The following KLHL4 variants were observed in gnomAD, a reference collection of about 807,000 sequenced individuals.
KLHL4 encodes kelch-like protein 4.
Under a neutral mutation model 45.8 loss-of-function variants are expected in KLHL4, and 17 were observed. The observed-to-expected ratio is 0.37, with a 90% CI of 0.25 to 0.56. KLHL4 has a LOEUF of 0.56. KLHL4 is among the 20% of genes least tolerant of loss of function. The pLI is 0.79. For synonymous variants in KLHL4, 224 were observed against 189.9 expected, an observed-to-expected ratio of 1.18 and a Z score of -1.47; for missense variants, 544 against 544.9, an observed-to-expected ratio of 1.00 and a Z score of 0.02.
chrX:87,621,031 G>T (rs915850879), intron 4 of KLHL4, among the ~76,000 whole-genome samples: 11 of 111,025 alleles, frequency 9.9e-5, no homozygotes, highest in African/African-American at 3.7e-4. Context: ...AAATAGGCCA[G>T]TTTGAAACTT....
chrX:87,662,869 G>C (rs1329786882), intron 9 of KLHL4, among the ~76,000 whole-genome samples: 1 of 103,759 alleles, frequency 9.6e-6, no homozygotes, highest in African/African-American at 3.6e-5. Context: ...GGCGGAGCTT[G>C]TAGTGAGCCC....
At chrX:87,581,732 A>G (rs1292942000) in intron 1 of KLHL4, among the ~76,000 whole-genome samples, 1 of 112,318 alleles carries the variant, frequency 8.9e-6, no homozygotes, top group African/African-American at 3.2e-5. Flanking sequence ...CAGAAGGTAG[A>G]TGAGCCCACA....
chrX:87,666,377 AT>A (rs1924368929), intron 10 of KLHL4, 97 bp from the exon 11 acceptor site: 1 of 843,446 alleles, frequency 1.2e-6, no homozygotes, highest in East Asian at 3.8e-5. Flanking sequence ...GTTAGACCAA[AT>A]TAAGTAAGGA....
At chrX:87,656,532 T>C (rs1309500674) in intron 9 of KLHL4, among the ~76,000 whole-genome samples, 1 of 108,752 alleles carries the variant, frequency 9.2e-6, no homozygotes, top group Non-Finnish European at 1.9e-5. Flanking sequence ...TTCAGGAGTT[T>C]CTTTTTTTTT....
intron 4 of KLHL4, among the ~76,000 whole-genome samples, chrX:87,618,851 T>C (rs187967882): frequency 3.9e-4 from 44 of 112,191 alleles, no homozygotes; most frequent in Admixed American, 1.1e-3. Context: ...AATTTTACTT[T>C]GGTTAAAAAT....
chrX:87,643,387 C>A (rs767803680), intron 9 of KLHL4, among the ~76,000 whole-genome samples: 2 of 111,013 alleles, frequency 1.8e-5, no homozygotes, highest in Admixed American at 9.6e-5. Context: ...AGACCAATAA[C>A]AAGCAGCAAG....
chrX:87,605,004 A>G (rs1427926161), intron 1 of KLHL4, among the ~76,000 whole-genome samples: 1 of 111,351 alleles, frequency 9.0e-6, no homozygotes, highest in Non-Finnish European at 1.9e-5. Flanking sequence ...AATTTTCCCA[A>G]CACCATTTAT....
At position 87,669,971 on chromosome X, in the gene KLHL4, T is replaced by C. The variant is rs1053331210; in HGVS notation, c.*3437T>C. 2 of 111,873 alleles carry C rather than the reference T, an allele frequency of 1.8e-5. No individual in the cohort carries two copies. The highest frequency in any genetic ancestry group is 6.5e-5 in the African/African-American group (2 of 30,790). The allele number at this position is 111,873 out of a possible 1,213,427, so 9.2% of individuals were successfully genotyped here. On this transcript the variant is annotated 3_prime_UTR_variant, in exon 11 of 11. Transcript: ENST00000373119. ...ATTTAATCATCCCACACTGTATACA[T>C]ATGCCAAAATATCATTTTGTATGCC...
chrX:87,578,889 G>A (rs945713283), intron 1 of KLHL4, among the ~76,000 whole-genome samples: 2 of 112,293 alleles, frequency 1.8e-5, no homozygotes, highest in African/African-American at 6.5e-5. Flanking sequence ...ATTGAGAGAA[G>A]TCACAGAACC....
intron 1 of KLHL4, among the ~76,000 whole-genome samples, chrX:87,562,055 T>C (rs1885766116): frequency 9.2e-6 from 1 of 109,153 alleles, no homozygotes; most frequent in African/African-American, 3.3e-5. Flanking sequence ...TTGGCTTCAT[T>C]TGTGACCCAG....
intron 9 of KLHL4, among the ~76,000 whole-genome samples, chrX:87,649,779 C>A (rs1193741133): frequency 9.0e-6 from 1 of 111,336 alleles, no homozygotes; most frequent in African/African-American, 3.3e-5. Flanking sequence ...CTCCTTTCCC[C>A]ATTCAGTGGC....
At chrX:87,641,432 C>G (rs1020155766) in intron 9 of KLHL4, among the ~76,000 whole-genome samples, 5 of 111,958 alleles carry the variant, frequency 4.5e-5, no homozygotes, top group South Asian at 3.7e-4. Context: ...CCTGGTACCA[C>G]AGGGATACAT....
At chrX:87,610,664 A>G (rs1302878053) in intron 1 of KLHL4, among the ~76,000 whole-genome samples, 2 of 112,207 alleles carry the variant, frequency 1.8e-5, no homozygotes, top group East Asian at 5.6e-4. Flanking sequence ...TGAGTTTCTT[A>G]AACATTCCAT....
rs192271480 is a variant in KLHL4 at position 87,624,321 on chromosome X, G to T, written c.1138-1289G>T. 1.1e-3 allele frequency among the ~76,000 whole-genome samples: 127 copies of T among 111,672 alleles called. 2 individuals are homozygous for T. In the South Asian group the frequency reaches 0.046, roughly 41 times the overall value. On this transcript the variant is annotated intron_variant, in intron 5 of 10. Transcript: ENST00000373119. ...TCATGCAAATATAGGCTTTCCAAAA[G>T]AATTTAAAAGGTGACCTTACAAATA... is the stretch of plus-strand genomic sequence containing the variant.
intron 1 of KLHL4, among the ~76,000 whole-genome samples, chrX:87,595,019 CTT>C (rs369058038): frequency 3.5e-4 from 35 of 101,102 alleles, no homozygotes; most frequent in Non-Finnish European, 3.2e-4. Flanking sequence ...ACCCTTCTCT[CTT>C]TTTTTTTTTT....
chrX:87,525,365 G>A (rs1331587143), intron 1 of KLHL4, among the ~76,000 whole-genome samples: 2 of 110,735 alleles, frequency 1.8e-5, no homozygotes, highest in Non-Finnish European at 3.8e-5. Flanking sequence ...TCTCTCAAAA[G>A]AAAAACAATG....
chrX:87,635,227 C>T (rs1273642995), intron 8 of KLHL4, among the ~76,000 whole-genome samples: 1 of 111,936 alleles, frequency 8.9e-6, no homozygotes, highest in Non-Finnish European at 1.9e-5. Flanking sequence ...GTCTTTGGAA[C>T]TATCCTGCCA....
chrX:87,630,277 A>G (rs1043950115), intron 6 of KLHL4, among the ~76,000 whole-genome samples: 6 of 111,731 alleles, frequency 5.4e-5, no homozygotes, highest in Admixed American at 2.9e-4. Flanking sequence ...AAATCTCCCA[A>G]TAAAGGAGCA....
chrX:87,550,061 A>G (rs777118222), intron 1 of KLHL4, among the ~76,000 whole-genome samples: 19 of 111,389 alleles, frequency 1.7e-4, no homozygotes, highest in African/African-American at 5.8e-4. Flanking sequence ...AAAATCAAAA[A>G]TAAAACTAGA....
Sources: gnomAD v4.1 joint callset for allele counts (sites outside exome capture counted in the v4.1 genomes callset) on GRCh38, gnomAD v4.1.1 for gene constraint, MANE v1.5 for transcripts, NCBI Gene and HGNC (gene_info 2026-07-23, HGNC 2026-07-21) for gene names.